AJAP1: variants seen among roughly 807,000 people sequenced by gnomAD.
AJAP1 encodes adherens junction-associated protein 1.
Under a neutral mutation model 35.0 loss-of-function variants are expected in AJAP1, and 5 were observed. The ratio of observed to expected loss-of-function variants is 0.14; its 90% CI spans 0.07 to 0.30. The LOEUF (loss-of-function observed/expected upper bound fraction) is 0.30. AJAP1 is among the 10% of genes least tolerant of loss of function. The pLI is 1.00. For synonymous variants in AJAP1, 284 were observed against 249.3 expected (o/e 1.14, Z -1.31); for missense variants, 586 against 571.0 (o/e 1.03, Z -0.27).
intron 2 of AJAP1, among the ~76,000 whole-genome samples, chr1:4,733,520 C>G (rs16839536): frequency 0.019 from 2,897 of 150,856 alleles, 85 homozygotes; most frequent in African/African-American, 0.067. Flanking sequence ...CAAATCAACT[C>G]AACCCCTGTC....
chr1:4,698,802 G>T (rs186860156), intron 1 of AJAP1, among the ~76,000 whole-genome samples: 2 of 152,100 alleles, frequency 1.3e-5, no homozygotes, highest in Non-Finnish European at 2.9e-5. Context: ...TGTGCCCTCC[G>T]ATGTGCCAGA....
chr1:4,688,771 CAAA>C (rs5772177), intron 1 of AJAP1, among the ~76,000 whole-genome samples: 4,722 of 87,932 alleles, frequency 0.054, 84 homozygotes, highest in Middle Eastern at 0.12. Flanking sequence ...GACTCCGTCT[CAAA>C]AAAAAAAAAA....
chr1:4,691,937 G>A (rs1639748922), intron 1 of AJAP1, among the ~76,000 whole-genome samples: 1 of 152,088 alleles, frequency 6.6e-6, no homozygotes, highest in Non-Finnish European at 1.5e-5. Context: ...CCTGCAGAGG[G>A]ACAAGGGTCT....
chr1:4,671,455 C>T (rs979490116), intron 1 of AJAP1, among the ~76,000 whole-genome samples: 6 of 152,090 alleles, frequency 3.9e-5, no homozygotes, highest in African/African-American at 1.4e-4. Flanking sequence ...CATTACCTCC[C>T]TTTGTCCCCA....
chr1:4,775,355 C>T (rs943649824), intron 5 of AJAP1, among the ~76,000 whole-genome samples: 2 of 152,178 alleles, frequency 1.3e-5, no homozygotes, highest in Non-Finnish European at 2.9e-5. Context: ...TTCTTTTCGA[C>T]GCTGGGCTTT....
intron 2 of AJAP1, among the ~76,000 whole-genome samples, chr1:4,755,177 G>A (rs1641401144): frequency 6.6e-6 from 1 of 152,190 alleles, no homozygotes; most frequent in Non-Finnish European, 1.5e-5. Flanking sequence ...CCTTTCGAGT[G>A]CATCTATTTA....
intron 2 of AJAP1, among the ~76,000 whole-genome samples, chr1:4,741,028 G>A (rs930610937): frequency 6.6e-6 from 1 of 151,998 alleles, no homozygotes; most frequent in Non-Finnish European, 1.5e-5. Context: ...ACAAAGTCTC[G>A]TTGAAAGCCT....
At position 4,681,344 on chromosome 1, in the gene AJAP1, G is replaced by A. The variant is rs371001133; in HGVS notation, c.29+25890G>A. Among the ~76,000 whole-genome samples the A allele has an allele frequency of 7.9e-5, 12 of 152,292 alleles. No individual in the cohort carries two copies. In the South Asian group the frequency reaches 1.9e-3, roughly 24 times the overall value. On this transcript the variant is annotated intron_variant, in intron 1 of 5. Coordinates refer to ENST00000378191, the MANE Select transcript of AJAP1 (RefSeq NM_018836.4). ...GGCCACACTGTTGGCGTCCCCCTTC[G>A]CCAGCCCCAGGCCAAGGAAAGGAGG...
intron 2 of AJAP1, among the ~76,000 whole-genome samples, chr1:4,746,563 G>A (rs997017633): frequency 6.6e-6 from 1 of 152,188 alleles, no homozygotes; most frequent in African/African-American, 2.4e-5. Flanking sequence ...ATCAGCATCT[G>A]TGCAGGGACC....
intron 4 of AJAP1, among the ~76,000 whole-genome samples, chr1:4,773,799 G>T (rs1025854150): frequency 1.3e-5 from 2 of 152,346 alleles, no homozygotes; most frequent in African/African-American, 2.4e-5. Context: ...CCGTGGGCTG[G>T]CCTCTGTTGC....
At chr1:4,735,347 G>A (rs1053480910) in intron 2 of AJAP1, among the ~76,000 whole-genome samples, 1 of 152,172 alleles carries the variant, frequency 6.6e-6, no homozygotes, top group South Asian at 2.1e-4. Context: ...TGGGAGGGAG[G>A]GTGCGATGTG....
intron 2 of AJAP1, among the ~76,000 whole-genome samples, chr1:4,764,592 A>G (rs1051841822): frequency 8.5e-5 from 13 of 152,326 alleles, no homozygotes; most frequent in East Asian, 1.9e-4. Flanking sequence ...TTGAGTCCCA[A>G]TGTCACCTGT....
chr1:4,763,544 G>A (rs1362835704), intron 2 of AJAP1, among the ~76,000 whole-genome samples: 1 of 152,150 alleles, frequency 6.6e-6, no homozygotes. Flanking sequence ...GTAAAGCATG[G>A]TTTCTGGGGG....
At chr1:4,772,664 G>T in intron 4 of AJAP1, 139 bp downstream of exon 4, 3 of 1,284,822 alleles carry the variant, frequency 2.3e-6, no homozygotes, top group Non-Finnish European at 3.2e-6. Context: ...CAGCCAAGGC[G>T]GACAGCTAAT....
At chr1:4,778,568 G>A (rs898781604) in intron 5 of AJAP1, among the ~76,000 whole-genome samples, 6 of 109,782 alleles carry the variant, frequency 5.5e-5, no homozygotes, top group South Asian at 3.4e-4. Context: ...CAGGATTGGC[G>A]CCATCTCTCT....
In AJAP1 at chr1:4,717,720, C is replaced by T. The variant is rs1640427621; in HGVS notation, c.829+5021C>T. Among the ~76,000 whole-genome samples the T allele has an allele frequency of 2.0e-5, 3 of 152,170 alleles. No individual in the cohort carries two copies. In the South Asian group the frequency reaches 6.2e-4, roughly 32 times the overall value. ...CACCCCAGCCGTCAGCTGACCTAAG[C>T]ATCAATGCAAGCCAGCCAACCTCAG... On this transcript the variant is annotated intron_variant, in intron 2 of 5. Transcript: ENST00000378191.
At chr1:4,666,838 C>T (rs113348625) in intron 1 of AJAP1, among the ~76,000 whole-genome samples, 27,398 of 117,086 alleles carry the variant, frequency 0.23, 5,178 homozygotes, top group African/African-American at 0.43. Context: ...GGAGGGGTTG[C>T]AGAGAGGAGC....
chr1:4,676,375 C>G (rs1419335780), intron 1 of AJAP1, among the ~76,000 whole-genome samples: 1 of 152,098 alleles, frequency 6.6e-6, no homozygotes. Flanking sequence ...AAGAGGCCAC[C>G]CGCTTCTGAA....
chr1:4,727,763 T>A (rs559800034), intron 2 of AJAP1, among the ~76,000 whole-genome samples: 83 of 152,318 alleles, frequency 5.4e-4, no homozygotes, highest in Admixed American at 1.5e-3. Context: ...TAAGTCTCCA[T>A]ACTGCTGGCC....
Sources: gnomAD v4.1 joint callset for allele counts (sites outside exome capture counted in the v4.1 genomes callset) on GRCh38, gnomAD v4.1.1 for gene constraint, MANE v1.5 for transcripts, NCBI Gene and HGNC (gene_info 2026-07-23, HGNC 2026-07-21) for gene names.